The following CASP2 variants were observed in gnomAD, a reference collection of about 807,000 sequenced individuals.
CASP2 encodes the protein caspase 2.
Under a neutral mutation model 54.4 loss-of-function variants are expected in CASP2, and 38 were observed. That is an observed-to-expected ratio of 0.70 (90% CI 0.54 to 0.92). CASP2 has a LOEUF of 0.92. Among genes scored for constraint, CASP2 ranks in the 40% least tolerant of loss-of-function variants. CASP2 has a pLI of 0.00. For synonymous variants in CASP2, 215 were observed against 216.3 expected, an observed-to-expected ratio of 0.99 and a Z score of 0.05; for missense variants, 512 against 579.6, an observed-to-expected ratio of 0.88 and a Z score of 1.20.
At chr7:143,288,593 G>A in intron 1 of CASP2, 64 bp downstream of exon 1, 1 of 1,442,240 alleles carries the variant, frequency 6.9e-7, no homozygotes, top group Non-Finnish European at 9.6e-7. Flanking sequence ...TGGCCCCCAG[G>A]CGTGCGGCCC....
Position 143,303,912 on chromosome 7 carries a change from T to G in CASP2, c.1096T>G (p.Cys366Gly), listed in dbSNP as rs772104194. 2 of 1,604,122 alleles carry G rather than the reference T, an allele frequency of 1.2e-6. No individual in the cohort carries two copies. Among genetic ancestry groups the G allele is most frequent in the Non-Finnish European group, 1.7e-6 (2 of 1,174,984 alleles). ...ACTGCCCACGCGCTCAGACATGATA[T>G]GCGGCTATGCCTGCCTCAAAGGTAC... Reference protein sequence around the residue: ...MRLPTRSDMICGYACLKGTAA... With the variant: ...MRLPTRSDMIGGYACLKGTAA... The change falls in exon 9 of 11, where the codon TGC (cysteine) becomes GGC (glycine). Residue 366 changes from cysteine (C) to glycine (G), a missense_variant. Cys to Gly is a radical substitution (Grantham distance 159). Around this residue, in one of 3 missense-constraint regions of CASP2, gnomAD observed 417 missense variants for 495.4 expected, o/e 0.84. Coordinates refer to ENST00000310447, the MANE Select transcript of CASP2 (RefSeq NM_032982.4).
Position 143,288,440 on chromosome 7 carries a change from C to A in CASP2, c.-16C>A. 1 of 1,612,132 alleles carries A rather than the reference C, an allele frequency of 6.2e-7. No individual in the cohort carries two copies. ...CTGTGGGCGGTGCGCAGCGGAGAGC[C>A]CGGGAAAAGCGGGAAATGGCGGCGC... On this transcript the variant is annotated 5_prime_UTR_variant, in exon 1 of 11. Transcript: ENST00000310447.
rs116322716 is a variant in CASP2, at chr7:143,293,784, C to T, written c.476-446C>T. Among the ~76,000 whole-genome samples the T allele has an allele frequency of 6.3e-3, 955 of 152,260 alleles. 12 individuals carry two copies. Among genetic ancestry groups the T allele is most frequent in the African/African-American group, 0.022 (910 of 41,540 alleles). ...GATTACAGGCATGAGTCACTGCGCC[C>T]GGCCCAGGCAAGGTGTTATTAATAG... On this transcript the variant is annotated intron_variant, in intron 4 of 10. Coordinates refer to ENST00000310447, the MANE Select transcript of CASP2 (RefSeq NM_032982.4).
At chr7:143,297,090 C>T (rs1801777480) in intron 6 of CASP2, among the ~76,000 whole-genome samples, 2 of 152,164 alleles carry the variant, frequency 1.3e-5, no homozygotes, top group African/African-American at 4.8e-5. Flanking sequence ...TGGGTTATCC[C>T]TGGAAAATGC....
chr7:143,303,621 ATTT>A (rs368340000), intron 8 of CASP2, 160 bp from the exon 9 acceptor site: 781 of 531,972 alleles, frequency 1.5e-3, no homozygotes, highest in Middle Eastern at 2.0e-3. Context: ...GAGAGTAATA[ATTT>A]TTTTTTTTTT....
At chr7:143,290,524 G>A (rs938691406) in intron 1 of CASP2, 7 of 146,894 alleles carry the variant, frequency 4.8e-5, no homozygotes, top group African/African-American at 1.6e-4. Flanking sequence ...CTGGATTTAT[G>A]TAAACTAGGC....
chr7:143,304,243 T>A (rs1033735563), intron 9 of CASP2, among the ~76,000 whole-genome samples: 2 of 152,244 alleles, frequency 1.3e-5, no homozygotes, highest in East Asian at 1.9e-4. Flanking sequence ...GCTCAGCTGC[T>A]TTTTACAAAT....
intron 4 of CASP2, 149 bp from the exon 5 acceptor site, chr7:143,294,081 C>T: frequency 1.5e-6 from 1 of 661,046 alleles, no homozygotes; most frequent in Non-Finnish European, 2.8e-6. Flanking sequence ...CTAAGAGTCT[C>T]TGCCCTCATG....
At chr7:143,289,591 G>A (rs3181165) in intron 1 of CASP2, 54,822 of 979,462 alleles carry the variant, frequency 0.056, 1,700 homozygotes, top group Non-Finnish European at 0.062. Context: ...GGAAACCAGA[G>A]GAAGAGAACG....
intron 8 of CASP2, chr7:143,300,672 A>G (rs1433747602): frequency 9.8e-6 from 12 of 1,227,468 alleles, no homozygotes; most frequent in Non-Finnish European, 1.2e-5. Flanking sequence ...TGTCCTTCTT[A>G]TTTTATCTCC....
At position 143,292,640 on chromosome 7, in the gene CASP2, T is replaced by G; in HGVS notation, c.417T>G (p.Ser139Arg). 6.2e-7 allele frequency: 1 copy of G among 1,613,672 alleles called. No individual in the cohort carries two copies. The highest frequency in any genetic ancestry group is 8.5e-7 in the Non-Finnish European group (1 of 1,180,012). ...LPPLSCDYDLSLPFPVCESCP... is the reference protein window; with the variant it reads ...LPPLSCDYDLRLPFPVCESCP... ...AGTTGAGCTGTGACTACGACTTGAG[T>G]CTCCCTTTTCCGGTGTGTGAGTCCT... Residue 139 changes from serine to arginine, a missense_variant, in exon 4 of 11, where the codon AGT becomes AGG. By Grantham distance (110) the Ser-to-Arg change is moderately radical. Coordinates refer to ENST00000310447, the MANE Select transcript of CASP2 (RefSeq NM_032982.4).
At position 143,305,216 on chromosome 7, in the gene CASP2, T is replaced by C; in HGVS notation, c.*145T>C. The C allele has an allele frequency of 9.3e-7, 1 of 1,070,000 alleles. No individual in the cohort carries two copies. The highest frequency in any genetic ancestry group is 1.3e-5 in the South Asian group (1 of 74,382). The allele number at this position is 1,070,000 out of a possible 1,614,324, so 66.3% of individuals were successfully genotyped here. A position where few individuals can be genotyped will look rare whatever the true frequency, so the allele number is the denominator to read the frequency against. ...CCAGACTTGTTTCCTGTGCCCATCA[T>C]CTCTGCCTTTGAGTGTGGGACTCCA... is the stretch of plus-strand genomic sequence containing the variant. On this transcript the variant is annotated 3_prime_UTR_variant, in exon 11 of 11. Coordinates refer to ENST00000310447, the MANE Select transcript of CASP2 (RefSeq NM_032982.4).
rs1159982268 is a variant in CASP2 at position 143,304,974 on chromosome 7, C to T, written c.1262C>T (p.Ala421Val). 4 of 1,614,208 alleles carry T rather than the reference C, an allele frequency of 2.5e-6. No homozygotes were observed. Among genetic ancestry groups the T allele is most frequent in the Non-Finnish European group, 3.4e-6 (4 of 1,180,036 alleles). The change falls in exon 11 of 11, where the codon GCT becomes GTT. Residue 421 changes from alanine to valine, a missense_variant. By Grantham distance (64) the Ala-to-Val change is moderately conservative. Around this residue, in one of 3 missense-constraint regions of CASP2, gnomAD observed 417 missense variants for 495.4 expected, o/e 0.84. Transcript: ENST00000310447. ...NALIKDREGY[A>V]PGTEFHRCKE... Reference sequence around the variant, plus strand: ...CTTATCAAGGATCGGGAAGGTTATGCTCCTGGCACAGAATTCCACCGGTGC... The same window carrying T: ...CTTATCAAGGATCGGGAAGGTTATGTTCCTGGCACAGAATTCCACCGGTGC...
intron 6 of CASP2, among the ~76,000 whole-genome samples, 182 bp downstream of exon 6, chr7:143,294,955 GGCCA>G (rs1219764776): frequency 6.6e-6 from 1 of 151,998 alleles, no homozygotes; most frequent in East Asian, 1.9e-4. Flanking sequence ...AATTAGGGCC[GGCCA>G]GCCATTTTAG....
At chr7:143,290,571 T>G (rs1801526890) in intron 1 of CASP2, 1 of 152,204 alleles carries the variant, frequency 6.6e-6, no homozygotes, top group African/African-American at 2.4e-5. Context: ...TTATTTTAGT[T>G]TATAAGCAGA....
At chr7:143,291,780 CTTTTTTTTTT>C (rs777186983) in intron 2 of CASP2, 90 bp downstream of exon 2, 3 of 422,918 alleles carry the variant, frequency 7.1e-6, no homozygotes, top group Non-Finnish European at 1.2e-5. Context: ...ATCTTTCTTC[CTTTTTTTTTT>C]TTTTTTTTTT....
At chr7:143,290,057 T>C (rs1203326319) in intron 1 of CASP2, among the ~76,000 whole-genome samples, 1 of 132,268 alleles carries the variant, frequency 7.6e-6, no homozygotes, top group Non-Finnish European at 1.5e-5. Flanking sequence ...TTCCCTCCCT[T>C]TTTTTTTTTT....
rs951610625 is a variant in CASP2, at chr7:143,299,934, G to A, written c.759G>A (p.Glu253=). The A allele has an allele frequency of 1.9e-6, 3 of 1,614,182 alleles. No homozygotes were observed. The highest frequency in any genetic ancestry group is 1.7e-6 in the Non-Finnish European group (2 of 1,180,022). The change falls in exon 7 of 11, where the codon GAG becomes GAA. Residue 253 remains glutamate (E), a synonymous_variant. Transcript: ENST00000310447. The part of the protein sequence containing the change: ...LCDQTAQEMQ[E]KLQNFAQLPA... ...TTCCTTTCTTTTAGGAAATGCAAGA[G>A]AAACTGCAGAATTTTGCACAGTTAC...
Position 143,291,482 on chromosome 7 carries a change from C to T in CASP2, c.75-58C>T, listed in dbSNP as rs1801555326. 5 of 1,546,072 alleles carry T rather than the reference C, an allele frequency of 3.2e-6. No individual in the cohort carries two copies. In the South Asian group the frequency reaches 3.3e-5, roughly 10 times the overall value. ...TCTTCCTATTCATGCCTCTTCCACT[C>T]CACTCTTCTGTGTCAAATTGTGACT... is the stretch of plus-strand genomic sequence containing the variant. On this transcript the variant is annotated intron_variant, in intron 1 of 10. Coordinates refer to ENST00000310447, the MANE Select transcript of CASP2 (RefSeq NM_032982.4).
Sources: allele counts gnomAD v4.1 joint callset (sites outside exome capture counted in the v4.1 genomes callset), GRCh38; gene constraint gnomAD v4.1.1; regional missense constraint gnomAD v4.1.1; transcripts MANE v1.5; gene names NCBI Gene and HGNC (gene_info 2026-07-23, HGNC 2026-07-21).